Variants in RNGTT observed in about 807,000 individuals in gnomAD.
The protein encoded by RNGTT is RNA guanylyltransferase and 5'-phosphatase.
Under a neutral mutation model 79.3 loss-of-function variants are expected in RNGTT, and 33 were observed. The observed-to-expected ratio is 0.42, with a 90% CI of 0.32 to 0.56. RNGTT has a LOEUF of 0.56. RNGTT is among the 20% of genes least tolerant of loss of function. The pLI is 0.17. For synonymous variants in RNGTT, 222 were observed against 235.9 expected, an observed-to-expected ratio of 0.94 and a Z score of 0.54; for missense variants, 497 against 739.1, an observed-to-expected ratio of 0.67 and a Z score of 3.80.
At chr6:88,678,440 T>C (rs1388927127) in intron 13 of RNGTT, 21 bp from the exon 14 acceptor site, 1 of 1,378,870 alleles carries the variant, frequency 7.3e-7, no homozygotes, top group South Asian at 2.2e-5. Context: ...AAAAAAGCAT[T>C]ATTTATAAAA....
chr6:88,854,957 C>T (rs1272452828), intron 8 of RNGTT, among the ~76,000 whole-genome samples: 2 of 152,082 alleles, frequency 1.3e-5, no homozygotes, highest in Admixed American at 1.3e-4. Context: ...GAACCAAAGT[C>T]TTCAAAGAAT....
At chr6:88,758,806 C>G (rs1260702612) in intron 13 of RNGTT, among the ~76,000 whole-genome samples, 1 of 152,168 alleles carries the variant, frequency 6.6e-6, no homozygotes, top group Non-Finnish European at 1.5e-5. Context: ...ATGAAAATAT[C>G]TTATAAAAAT....
intron 14 of RNGTT, among the ~76,000 whole-genome samples, chr6:88,666,328 C>T (rs1425413867): frequency 2.6e-5 from 4 of 152,226 alleles, no homozygotes; most frequent in African/African-American, 7.2e-5. Flanking sequence ...TGGCCTACCT[C>T]TCTAAACAGC....
chr6:88,820,743 A>G (rs1316477816), intron 11 of RNGTT, among the ~76,000 whole-genome samples: 2 of 152,186 alleles, frequency 1.3e-5, no homozygotes, highest in African/African-American at 2.4e-5. Context: ...TAGGGATAAC[A>G]TAACAACTAC....
At chr6:88,817,748 C>CCTT (rs1227582021) in intron 11 of RNGTT, among the ~76,000 whole-genome samples, 6 of 99,984 alleles carry the variant, frequency 6.0e-5, no homozygotes, top group South Asian at 3.3e-4. Context: ...CTATTCACAT[C>CCTT]ATTTTTTTTT....
chr6:88,908,733 A>C (rs771828044), intron 4 of RNGTT, among the ~76,000 whole-genome samples: 11 of 152,178 alleles, frequency 7.2e-5, no homozygotes, highest in Non-Finnish European at 1.3e-4. Flanking sequence ...TCCAGCTTGT[A>C]CTGAGTGGCT....
chr6:88,679,801 T>G lies in RNGTT; in HGVS notation c.1440-1382A>C, dbSNP rs187350636. Among the ~76,000 whole-genome samples the G allele has an allele frequency of 1.4e-4, 22 of 152,272 alleles. 1 individual carries two copies. The highest frequency in any genetic ancestry group is 5.3e-4 in the African/African-American group (22 of 41,542). On this transcript the variant is annotated intron_variant, in intron 13 of 15. Coordinates refer to ENST00000369485, the MANE Select transcript of RNGTT (RefSeq NM_003800.5). ...TTTAACTGACCTAAATGTAGATATA[T>G]CTCATCTTTCTTTTATCACAAATCT... is the stretch of plus-strand genomic sequence containing the variant.
intron 13 of RNGTT, among the ~76,000 whole-genome samples, chr6:88,703,542 G>A (rs371345606): frequency 6.6e-6 from 1 of 152,186 alleles, no homozygotes; most frequent in East Asian, 1.9e-4. Context: ...ACTAAAGGAA[G>A]GAGGAAGGGA....
At chr6:88,865,143 T>A (rs1337809915) in intron 8 of RNGTT, among the ~76,000 whole-genome samples, 8 of 152,098 alleles carry the variant, frequency 5.3e-5, no homozygotes, top group Non-Finnish European at 4.4e-5. Context: ...AATGAGTTAA[T>A]ATATAAAAGA....
chr6:88,927,608 G>C (rs1250549088), intron 4 of RNGTT, among the ~76,000 whole-genome samples: 1 of 151,552 alleles, frequency 6.6e-6, no homozygotes, highest in Non-Finnish European at 1.5e-5. Context: ...GTTGCAGTGA[G>C]CTGACAGTGT....
intron 8 of RNGTT, among the ~76,000 whole-genome samples, chr6:88,874,994 T>C (rs1424273490): frequency 6.6e-6 from 1 of 152,122 alleles, no homozygotes; most frequent in Non-Finnish European, 1.5e-5. Flanking sequence ...TAAATTGTAC[T>C]TCATTTTCCT....
rs374834712 is a variant in RNGTT at position 88,877,935 on chromosome 6, G to A, written c.896+12560C>T. On this transcript the variant is annotated intron_variant, in intron 8 of 15. Transcript: ENST00000369485. Reference sequence around the variant, plus strand: ...AACAGGGCTGGGGTCTTTAAATGACGAGATCTGGCTTACATTCTCTCTAAG... The same window carrying A: ...AACAGGGCTGGGGTCTTTAAATGACAAGATCTGGCTTACATTCTCTCTAAG... Among the ~76,000 whole-genome samples the A allele has an allele frequency of 8.5e-5, 13 of 152,142 alleles. No homozygotes were observed. The East Asian group carries it at 1.2e-3, about 14-fold the overall frequency.
At chr6:88,766,488 T>C (rs1191410029) in intron 13 of RNGTT, among the ~76,000 whole-genome samples, 1 of 152,120 alleles carries the variant, frequency 6.6e-6, no homozygotes, top group South Asian at 2.1e-4. Flanking sequence ...CAACACAATA[T>C]AAATTGCTAA....
At chr6:88,627,279 A>C (rs2127767828) in intron 14 of RNGTT, among the ~76,000 whole-genome samples, 1 of 152,282 alleles carries the variant, frequency 6.6e-6, no homozygotes, top group Non-Finnish European at 1.5e-5. Flanking sequence ...TCCATGTTTA[A>C]CAAAGTTCAC....
At chr6:88,868,318 T>C (rs781187133) in intron 8 of RNGTT, among the ~76,000 whole-genome samples, 1 of 152,214 alleles carries the variant, frequency 6.6e-6, no homozygotes, top group Admixed American at 6.5e-5. Flanking sequence ...AGTCAAAGTT[T>C]AAATCAGAAG....
At chr6:88,768,205 G>C (rs1002771173) in intron 13 of RNGTT, among the ~76,000 whole-genome samples, 2 of 151,426 alleles carry the variant, frequency 1.3e-5, no homozygotes, top group African/African-American at 2.4e-5. Flanking sequence ...CTTGCTCTGG[G>C]CTCAAGCAAT....
chr6:88,919,707 CTTT>C (rs5878082), intron 4 of RNGTT, among the ~76,000 whole-genome samples: 8 of 58,486 alleles, frequency 1.4e-4, no homozygotes, highest in Admixed American at 3.7e-4. Context: ...GTCAGTAGTT[CTTT>C]TTTTTTTTTT....
chr6:88,649,550 A>G (rs1028948329), intron 14 of RNGTT, among the ~76,000 whole-genome samples: 2 of 152,142 alleles, frequency 1.3e-5, no homozygotes, highest in African/African-American at 4.8e-5. Context: ...ACAAAAAATT[A>G]GCTGGGCGTG....
intron 14 of RNGTT, among the ~76,000 whole-genome samples, chr6:88,629,327 T>G (rs1461360204): frequency 1.3e-5 from 2 of 152,190 alleles, no homozygotes; most frequent in Non-Finnish European, 1.5e-5. Context: ...CGGCTTTCAC[T>G]TTCAAAGATG....
Sources: gnomAD v4.1 joint callset for allele counts (sites outside exome capture counted in the v4.1 genomes callset) on GRCh38, gnomAD v4.1.1 for gene constraint, MANE v1.5 for transcripts, NCBI Gene and HGNC (gene_info 2026-07-23, HGNC 2026-07-21) for gene names.